NRG2: variants seen among roughly 807,000 people sequenced by gnomAD.
The protein encoded by NRG2 is pro-neuregulin-2, membrane-bound isoform.
In NRG2, 27 loss-of-function variants were observed where a neutral mutation model predicts 73.9. The observed-to-expected ratio is 0.37, with a 90% CI of 0.27 to 0.50. NRG2 has a LOEUF of 0.50. NRG2 is among the 20% of genes least tolerant of loss of function. NRG2 has a pLI of 0.96. For synonymous variants in NRG2, 532 were observed against 541.0 expected (o/e 0.98, Z 0.23); for missense variants, 1,126 against 1,210.1 (o/e 0.93, Z 1.03).
intron 1 of NRG2, among the ~76,000 whole-genome samples, chr5:140,033,512 AC>A (rs1761298249): frequency 6.6e-6 from 1 of 152,196 alleles, no homozygotes; most frequent in Non-Finnish European, 1.5e-5. Context: ...ACCCATGAGC[AC>A]ATCAAGATCT....
chr5:139,874,420 C>G (rs1234728935), intron 3 of NRG2, among the ~76,000 whole-genome samples: 1 of 152,208 alleles, frequency 6.6e-6, no homozygotes, highest in Non-Finnish European at 1.5e-5. Flanking sequence ...TGGCACAAAC[C>G]AAAGTCCTAG....
intron 1 of NRG2, among the ~76,000 whole-genome samples, chr5:139,968,044 C>G (rs1755681132): frequency 6.6e-6 from 1 of 151,858 alleles, no homozygotes; most frequent in African/African-American, 2.4e-5. Context: ...TTACTCAAGC[C>G]CCTTCCAGAG....
intron 5 of NRG2, among the ~76,000 whole-genome samples, chr5:139,859,569 G>T (rs1291112327): frequency 2.0e-5 from 3 of 152,118 alleles, no homozygotes; most frequent in Non-Finnish European, 4.4e-5. Context: ...CAGCCAGCCT[G>T]CGGGTCTGCA....
At chr5:140,035,961 T>C (rs1481770061) in intron 1 of NRG2, among the ~76,000 whole-genome samples, 2 of 152,290 alleles carry the variant, frequency 1.3e-5, no homozygotes, top group African/African-American at 4.8e-5. Flanking sequence ...CTACAGTACC[T>C]GTGCCTCTGC....
chr5:139,912,945 C>T (rs1055147239), intron 1 of NRG2, among the ~76,000 whole-genome samples: 6 of 152,206 alleles, frequency 3.9e-5, no homozygotes, highest in Non-Finnish European at 8.8e-5. Flanking sequence ...GTTTCCAGCT[C>T]TAGGACCTTT....
chr5:140,009,011 G>A (rs949753778), intron 1 of NRG2, among the ~76,000 whole-genome samples: 5 of 152,300 alleles, frequency 3.3e-5, no homozygotes, highest in East Asian at 1.9e-4. Flanking sequence ...TGCATATTCA[G>A]TAACCATTAT....
chr5:139,900,403 G>A (rs1764799790), intron 1 of NRG2, among the ~76,000 whole-genome samples: 1 of 152,228 alleles, frequency 6.6e-6, no homozygotes, highest in Non-Finnish European at 1.5e-5. Flanking sequence ...TGTGGCCAGA[G>A]CCTGGAAGTC....
chr5:140,036,957 CT>C (rs1230586967), intron 1 of NRG2, among the ~76,000 whole-genome samples: 1 of 152,192 alleles, frequency 6.6e-6, no homozygotes, highest in Non-Finnish European at 1.5e-5. Context: ...TGCATATTTA[CT>C]TTTTTCCTAT....
At chr5:139,989,124 T>C (rs1403391442) in intron 1 of NRG2, among the ~76,000 whole-genome samples, 1 of 152,058 alleles carries the variant, frequency 6.6e-6, no homozygotes, top group African/African-American at 2.4e-5. Flanking sequence ...TGTTAAATTA[T>C]GGAAGATTTG....
intron 1 of NRG2, among the ~76,000 whole-genome samples, chr5:139,940,280 G>C (rs1479555786): frequency 6.6e-6 from 1 of 152,208 alleles, no homozygotes; most frequent in Non-Finnish European, 1.5e-5. Flanking sequence ...GGGAATTACT[G>C]ATACATGCAA....
intron 1 of NRG2, among the ~76,000 whole-genome samples, chr5:139,985,809 T>C (rs1237421137): frequency 6.6e-6 from 1 of 152,142 alleles, no homozygotes; most frequent in Non-Finnish European, 1.5e-5. Context: ...TTTCGCTTCA[T>C]TGAGCCCTAA....
intron 1 of NRG2, among the ~76,000 whole-genome samples, chr5:139,964,357 TACACACACAC>T (rs71574473): frequency 6.7e-4 from 96 of 142,834 alleles, no homozygotes; most frequent in African/African-American, 2.1e-3. Context: ...GAAATACAGA[TACACACACAC>T]ACACACACAC....
chr5:139,987,837 C>T (rs958985166), intron 1 of NRG2, among the ~76,000 whole-genome samples: 4 of 142,322 alleles, frequency 2.8e-5, no homozygotes, highest in African/African-American at 5.3e-5. Flanking sequence ...TGCAGTAGTG[C>T]GATCTCGGCT....
rs1754431869 is a variant in NRG2, at chr5:139,954,039, G to A, written c.701-66528C>T. 6.6e-6 allele frequency among the ~76,000 whole-genome samples: 1 copy of A among 152,116 alleles called. No homozygotes were observed. Among genetic ancestry groups the A allele is most frequent in the African/African-American group, 2.4e-5 (1 of 41,402 alleles). On this transcript the variant is annotated intron_variant, in intron 1 of 9. Transcript: ENST00000361474. The surrounding 1 kb of genome is among the most constrained non-coding windows in gnomAD (Gnocchi z 5.0). ...TGAGGGCAGGTAGCCTGCTCACTGG[G>A]AGGCAAGGGGCAGGGTGTGGGGGTG...
chr5:139,953,165 C>A (rs1026379909), intron 1 of NRG2, among the ~76,000 whole-genome samples: 4 of 152,128 alleles, frequency 2.6e-5, no homozygotes, highest in African/African-American at 9.7e-5. Flanking sequence ...GCTGTGGCCG[C>A]CCTTGTGCTT....
intron 1 of NRG2, among the ~76,000 whole-genome samples, chr5:139,974,644 T>C (rs760753259): frequency 1.3e-5 from 2 of 152,174 alleles, no homozygotes; most frequent in Admixed American, 6.5e-5. Context: ...TCATTAAAAA[T>C]GTAAGATTCC....
intron 1 of NRG2, among the ~76,000 whole-genome samples, chr5:139,953,163 C>A (rs931232495): frequency 2.0e-5 from 3 of 152,054 alleles, no homozygotes; most frequent in South Asian, 2.1e-4. Context: ...GGGCTGTGGC[C>A]GCCCTTGTGC....
intron 1 of NRG2, 98 bp downstream of exon 1, chr5:140,042,272 G>T: frequency 3.6e-6 from 1 of 274,446 alleles, no homozygotes; most frequent in Non-Finnish European, 4.9e-6. Context: ...CCCGGACGCT[G>T]CCAGGCCCGG....
At chr5:140,041,106 T>G (rs887203361) in intron 1 of NRG2, among the ~76,000 whole-genome samples, 1 of 152,138 alleles carries the variant, frequency 6.6e-6, no homozygotes, top group Non-Finnish European at 1.5e-5. Flanking sequence ...GCAGCAAAAC[T>G]TACTATAAGC....
Sources: allele counts gnomAD v4.1 joint callset (sites outside exome capture counted in the v4.1 genomes callset), GRCh38; gene constraint gnomAD v4.1.1; non-coding constraint Gnocchi (gnomAD v3.1); transcripts MANE v1.5; gene names NCBI Gene and HGNC (gene_info 2026-07-23, HGNC 2026-07-21).